The following STRN variants were observed in gnomAD, a reference collection of about 807,000 sequenced individuals.
The protein encoded by STRN is striatin, also known as protein phosphatase 2 regulatory subunit B'''alpha.
In STRN, 53 loss-of-function variants were observed where a neutral mutation model predicts 96.3. That is an observed-to-expected ratio of 0.55 (90% CI 0.44 to 0.69). The LOEUF (loss-of-function observed/expected upper bound fraction) is 0.69. STRN is among the 30% of genes least tolerant of loss of function. The pLI is 0.00. For missense variants in STRN, 987 were observed against 963.9 expected (o/e 1.02, Z -0.32); for synonymous variants, 428 against 355.9 (o/e 1.20, Z -2.28).
At chr2:36,905,393 A>T (rs1416325987) in intron 4 of STRN, 147 bp downstream of exon 4, 2 of 684,808 alleles carry the variant, frequency 2.9e-6, no homozygotes, top group Non-Finnish European at 5.0e-6. Context: ...ATTTAATATG[A>T]AAAAGGAACA....
intron 2 of STRN, among the ~76,000 whole-genome samples, chr2:36,919,008 T>C (rs1670179142): frequency 6.6e-6 from 1 of 152,242 alleles, no homozygotes; most frequent in Admixed American, 6.5e-5. Flanking sequence ...ATAACTATAA[T>C]ACACTAAAGA....
intron 9 of STRN, among the ~76,000 whole-genome samples, chr2:36,881,118 CTTTTTTTTTT>C (rs3081783): frequency 0.012 from 972 of 79,002 alleles, 20 homozygotes; most frequent in African/African-American, 0.041. Context: ...ACACTGCCTT[CTTTTTTTTTT>C]TTTTTTTTTT....
chr2:36,891,215 AAGAAG>A (rs1669388292), intron 7 of STRN, among the ~76,000 whole-genome samples: 1 of 152,158 alleles, frequency 6.6e-6, no homozygotes, highest in Admixed American at 6.5e-5. Context: ...ACACCTCAAC[AAGAAG>A]AGTCATTAAA....
chr2:36,899,673 G>A lies in STRN; in HGVS notation c.660-15C>T. On this transcript the variant is annotated splice_polypyrimidine_tract_variant and intron_variant, in intron 5 of 17. Transcript: ENST00000263918. ...ACTCAGATTTTCTGGTGTAAAACAT[G>A]TATATCCTGCTTAGTTAATCTTTTT... 2 of 1,584,794 alleles carry A rather than the reference G, an allele frequency of 1.3e-6. No homozygotes were observed. The highest frequency in any genetic ancestry group is 1.7e-6 in the Non-Finnish European group (2 of 1,165,148).
chr2:36,882,725 C>T (rs537605929), intron 9 of STRN, among the ~76,000 whole-genome samples: 2 of 152,200 alleles, frequency 1.3e-5, no homozygotes, highest in African/African-American at 4.8e-5. Flanking sequence ...GCTGTGATTG[C>T]GCCACTGCAC....
chr2:36,919,776 G>C (rs1024388949), intron 2 of STRN, among the ~76,000 whole-genome samples: 3 of 152,160 alleles, frequency 2.0e-5, no homozygotes, highest in African/African-American at 7.2e-5. Flanking sequence ...AGTGAATAGA[G>C]AGAAATTTTA....
rs1431486922 is a variant in STRN, at chr2:36,845,427, A to G, written c.*4029T>C. ...ATTTGCTTCAGTTAAAATGGCAGCA[A>G]TGACAAAGAGGTAGATATGAGAGAT... On this transcript the variant is annotated 3_prime_UTR_variant, in exon 18 of 18. Transcript: ENST00000263918. 2 of 152,178 alleles carry G rather than the reference A, an allele frequency of 1.3e-5. No homozygotes were observed. Among genetic ancestry groups the G allele is most frequent in the South Asian group, 2.1e-4 (1 of 4,834 alleles). 9.4% of individuals were successfully genotyped at this position (152,178 alleles called of 1,614,324 possible). A position where few individuals can be genotyped will look rare whatever the true frequency, so the allele number is the denominator to read the frequency against.
intron 8 of STRN, among the ~76,000 whole-genome samples, chr2:36,885,031 C>T (rs1254434533): frequency 6.6e-6 from 1 of 152,082 alleles, no homozygotes; most frequent in Admixed American, 6.5e-5. Context: ...TTCTCCCTTA[C>T]AGTGTCATTT....
At chr2:36,861,054 C>T (rs1261266726) in intron 13 of STRN, 78 bp downstream of exon 13, 4 of 1,524,344 alleles carry the variant, frequency 2.6e-6, no homozygotes, top group Non-Finnish European at 3.5e-6. Flanking sequence ...ATCTCTTTAT[C>T]TCTTCCTTTT....
chr2:36,905,207 G>A (rs1227726993), intron 4 of STRN, among the ~76,000 whole-genome samples: 1 of 152,076 alleles, frequency 6.6e-6, no homozygotes, highest in East Asian at 1.9e-4. Context: ...GACTTCAAGT[G>A]ATCCATCCAC....
chr2:36,919,951 T>A (rs1185746511), intron 2 of STRN, among the ~76,000 whole-genome samples: 1 of 152,200 alleles, frequency 6.6e-6, no homozygotes, highest in Non-Finnish European at 1.5e-5. Context: ...GCTAGGTAAG[T>A]AATTCTTCTG....
chr2:36,952,062 C>A (rs1255820127), intron 1 of STRN, among the ~76,000 whole-genome samples: 2 of 152,330 alleles, frequency 1.3e-5, no homozygotes, highest in African/African-American at 2.4e-5. Context: ...CACGCACACA[C>A]ACACACAATT....
intron 3 of STRN, among the ~76,000 whole-genome samples, chr2:36,913,710 G>T (rs570248967): frequency 7.9e-5 from 12 of 152,254 alleles, no homozygotes; most frequent in African/African-American, 2.9e-4. Flanking sequence ...ATATTTATAA[G>T]ATGAATGGAT....
intron 1 of STRN, among the ~76,000 whole-genome samples, chr2:36,935,570 T>C (rs1670680949): frequency 6.6e-6 from 1 of 152,230 alleles, no homozygotes. Context: ...GGCAGAAGCC[T>C]TCATTCATGC....
rs372373984 is a variant in STRN at position 36,849,814 on chromosome 2, G to C, written c.2087-14C>G. ...GGATCAGTTTGCCTTTGGAAAAAGA[G>C]ATTGTTACTCCTTATTAATGCCTTT... is the stretch of plus-strand genomic sequence containing the variant. On this transcript the variant is annotated splice_polypyrimidine_tract_variant and intron_variant, in intron 16 of 17. Transcript: ENST00000263918. 7.4e-6 allele frequency: 12 copies of C among 1,612,642 alleles called. No individual in the cohort carries two copies. Among genetic ancestry groups the C allele is most frequent in the Non-Finnish European group, 1.0e-5 (12 of 1,178,778 alleles).
chr2:36,882,015 G>A (rs897553212), intron 9 of STRN, among the ~76,000 whole-genome samples: 11 of 152,166 alleles, frequency 7.2e-5, no homozygotes, highest in Non-Finnish European at 1.2e-4. Flanking sequence ...TACATCTACA[G>A]TGTGATGTGT....
chr2:36,854,114 A>G (rs1668285341), intron 15 of STRN, among the ~76,000 whole-genome samples: 1 of 152,174 alleles, frequency 6.6e-6, no homozygotes, highest in Non-Finnish European at 1.5e-5. Flanking sequence ...AAAAAGCACT[A>G]TTTCCACTCA....
At chr2:36,852,643 C>A (rs2148126469) in intron 15 of STRN, among the ~76,000 whole-genome samples, 1 of 152,198 alleles carries the variant, frequency 6.6e-6, no homozygotes, top group African/African-American at 2.4e-5. Context: ...TATTTTTGTA[C>A]CTTTTCTGCA....
At chr2:36,950,252 A>G (rs1248475950) in intron 1 of STRN, among the ~76,000 whole-genome samples, 9 of 120,318 alleles carry the variant, frequency 7.5e-5, no homozygotes, top group Non-Finnish European at 1.1e-4. Context: ...GTCTCACTCT[A>G]TCACCCAGAC....
Sources: allele counts gnomAD v4.1 joint callset (sites outside exome capture counted in the v4.1 genomes callset), GRCh38; gene constraint gnomAD v4.1.1; transcripts MANE v1.5; gene names NCBI Gene and HGNC (gene_info 2026-07-23, HGNC 2026-07-21).